OSBPL3: variants seen among roughly 807,000 people sequenced by gnomAD.
The protein encoded by OSBPL3 is oxysterol binding protein like 3.
OSBPL3 carries 65 observed loss-of-function variants against 120.1 expected under a neutral mutation model. That is an observed-to-expected ratio of 0.54 (90% confidence interval 0.44 to 0.67). The LOEUF (loss-of-function observed/expected upper bound fraction) is 0.67. Among genes scored for constraint, OSBPL3 ranks in the 30% least tolerant of loss-of-function variants. The pLI, the probability that OSBPL3 is intolerant of heterozygous loss-of-function variation, is 0.00. For synonymous variants in OSBPL3, 416 were observed against 402.6 expected (o/e 1.03, Z -0.40); for missense variants, 1,004 against 1,082.1 (o/e 0.93, Z 1.01).
intron 1 of OSBPL3, among the ~76,000 whole-genome samples, chr7:24,895,235 G>A (rs1805962671): frequency 6.6e-6 from 1 of 152,216 alleles, no homozygotes; most frequent in Admixed American, 6.5e-5. Context: ...GACAGCCCAT[G>A]TATACGCTGG....
In OSBPL3 at chr7:24,830,487, C is replaced by G. The variant is rs1239505726; in HGVS notation, c.1884+281G>C. 6.6e-6 allele frequency among the ~76,000 whole-genome samples: 1 copy of G among 152,142 alleles called. No individual in the cohort carries two copies. The highest frequency in any genetic ancestry group is 1.9e-4 in the East Asian group (1 of 5,194). On this transcript the variant is annotated intron_variant, in intron 16 of 22. Transcript: ENST00000313367. This position sits in a 1 kb window ranked among gnomAD's most constrained non-coding sequence, Gnocchi z 4.4. ...AATTGAAGTTTGGGCCAACATTCAT[C>G]CTTTCAAAATTCCTTGTGCTAATGA...
chr7:24,854,502 GCA>G lies in OSBPL3; in HGVS notation c.1028-1870_1028-1869del, dbSNP rs70942889. Among the ~76,000 whole-genome samples, 5,727 of 131,422 alleles carry G rather than the reference GCA, an allele frequency of 0.044. 188 individuals carry two copies. Among genetic ancestry groups the G allele is most frequent in the African/African-American group, 0.1 (3,715 of 35,902 alleles). 86.2% of individuals were successfully genotyped at this position (131,422 alleles called of 152,430 possible). A position where few individuals can be genotyped will look rare whatever the true frequency, so the allele number is the denominator to read the frequency against. On this transcript the variant is annotated intron_variant, in intron 10 of 22. Coordinates refer to ENST00000313367, the MANE Select transcript of OSBPL3 (RefSeq NM_015550.4). This position sits in a 1 kb window ranked among gnomAD's most constrained non-coding sequence, Gnocchi z 4.1. ...CACAACAATTTGTACACACACACAC[GCA>G]CACACACACACACACACACACACAC...
At chr7:24,870,434 A>G (rs566019992) in intron 5 of OSBPL3, among the ~76,000 whole-genome samples, 1 of 152,344 alleles carries the variant, frequency 6.6e-6, no homozygotes, top group East Asian at 1.9e-4. Context: ...TAAAGATGTT[A>G]CTGCCTGGGT....
At chr7:24,857,404 C>G (rs1310607389) in intron 10 of OSBPL3, among the ~76,000 whole-genome samples, 4 of 152,212 alleles carry the variant, frequency 2.6e-5, no homozygotes, top group African/African-American at 9.7e-5. Flanking sequence ...TTGGTCATTT[C>G]TGTTTCTGCT....
chr7:24,892,535 G>C lies in OSBPL3; in HGVS notation c.-63C>G. 6.4e-7 allele frequency: 1 copy of C among 1,574,638 alleles called. No individual in the cohort carries two copies. Among genetic ancestry groups the C allele is most frequent in the Non-Finnish European group, 8.7e-7 (1 of 1,151,694 alleles). Reference sequence around the variant, plus strand: ...CCATCAGATGACAAGGGAGCCGAGAGTATGGAAGTCCCCAGTGGCAGGTGG... The same window carrying C: ...CCATCAGATGACAAGGGAGCCGAGACTATGGAAGTCCCCAGTGGCAGGTGG... On this transcript the variant is annotated 5_prime_UTR_variant, in exon 2 of 23. Transcript: ENST00000313367.
At position 24,892,487 on chromosome 7, in the gene OSBPL3, T is replaced by C; in HGVS notation, c.-15A>G. On this transcript the variant is annotated 5_prime_UTR_variant, in exon 2 of 23. Coordinates refer to ENST00000313367, the MANE Select transcript of OSBPL3 (RefSeq NM_015550.4). ...TCACTCATCATGGACAGCAAGTCAC[T>C]TGGCCTCGAGACAATCAAAATGCCA... is the stretch of plus-strand genomic sequence containing the variant. 6.2e-7 allele frequency: 1 copy of C among 1,609,800 alleles called. No homozygotes were observed. The highest frequency in any genetic ancestry group is 8.5e-7 in the Non-Finnish European group (1 of 1,176,770).
chr7:24,979,850 C>CCCAGGCCCCCCGACAT, intron 1 of OSBPL3, 36 bp downstream of exon 1: 1 of 970,950 alleles, frequency 1.0e-6, no homozygotes, highest in Non-Finnish European at 1.2e-6. Context: ...CCCCCCGACA[C>CCCAGGCCCCCCGACAT]CCAGGCCCCA....
intron 10 of OSBPL3, among the ~76,000 whole-genome samples, chr7:24,853,875 G>C (rs895055673): frequency 3.3e-5 from 5 of 152,140 alleles, no homozygotes; most frequent in African/African-American, 1.2e-4. Flanking sequence ...GTTTGTAATT[G>C]TTTCAAAACA....
At chr7:24,956,323 G>C (rs770579721) in intron 1 of OSBPL3, among the ~76,000 whole-genome samples, 1 of 152,240 alleles carries the variant, frequency 6.6e-6, no homozygotes, top group African/African-American at 2.4e-5. Context: ...TTCCACATGC[G>C]CAAAGGATGC....
At position 24,881,897 on chromosome 7, in the gene OSBPL3, T is replaced by C. The variant is rs1173520245; in HGVS notation, c.97-9828A>G. Reference sequence around the variant, plus strand: ...CTTGTAGCTGCATCACTCCAATCTCTCTCTCCACCATCACATCACCTTTTC... The same window carrying C: ...CTTGTAGCTGCATCACTCCAATCTCCCTCTCCACCATCACATCACCTTTTC... On this transcript the variant is annotated intron_variant, in intron 2 of 22. Coordinates refer to ENST00000313367, the MANE Select transcript of OSBPL3 (RefSeq NM_015550.4). The surrounding 1 kb of genome is among the most constrained non-coding windows in gnomAD (Gnocchi z 4.3). Among the ~76,000 whole-genome samples the C allele has an allele frequency of 6.6e-6, 1 of 152,096 alleles. No homozygotes were observed. Among genetic ancestry groups the C allele is most frequent in the East Asian group, 1.9e-4 (1 of 5,192 alleles).
chr7:24,866,162 C>A lies in OSBPL3; in HGVS notation c.457G>T (p.Ala153Ser). 1 of 1,611,764 alleles carries A rather than the reference C, an allele frequency of 6.2e-7. No individual in the cohort carries two copies. Among genetic ancestry groups the A allele is most frequent in the Non-Finnish European group, 8.5e-7 (1 of 1,177,796 alleles). Residue 153 changes from alanine (A) to serine (S), a missense_variant, in exon 6 of 23, where the codon GCC becomes TCC. Physicochemically the swap from Ala to Ser is moderately conservative, Grantham distance 99. Around this residue, in one of 4 missense-constraint regions of OSBPL3, gnomAD observed 255 missense variants for 248.7 expected, o/e 1.03. Transcript: ENST00000313367. ...HHRMYRQNEI[A>S]MFPHEVNHFF... ...TGGTTAACTTCATGTGGAAACATGG[C>A]AATTTCATTCTGACGATACATTCTG...
chr7:24,859,458 C>T (rs1171690656), intron 10 of OSBPL3, among the ~76,000 whole-genome samples: 1 of 152,040 alleles, frequency 6.6e-6, no homozygotes, highest in African/African-American at 2.4e-5. Context: ...TATATATGCC[C>T]GAAATAGGAT....
chr7:24,928,458 T>C (rs1811376015), intron 1 of OSBPL3, among the ~76,000 whole-genome samples: 1 of 152,170 alleles, frequency 6.6e-6, no homozygotes, highest in African/African-American at 2.4e-5. Context: ...CCCAAAGTGC[T>C]AGGATTACAG....
chr7:24,850,302 T>C (rs1798983558), intron 11 of OSBPL3, among the ~76,000 whole-genome samples: 1 of 152,174 alleles, frequency 6.6e-6, no homozygotes, highest in Non-Finnish European at 1.5e-5. Flanking sequence ...TCCTGTGCAC[T>C]TCATGACCAA....
In OSBPL3 at chr7:24,802,622, T is replaced by C. The variant is rs1163619506; in HGVS notation, c.2567+1693A>G. Among the ~76,000 whole-genome samples the C allele has an allele frequency of 6.6e-6, 1 of 152,220 alleles. No homozygotes were observed. The highest frequency in any genetic ancestry group is 2.4e-5 in the African/African-American group (1 of 41,456). ...TCGTAAGGTCATCCTTAATGCCTCATGTTGGATCGAGTTGGTGAATCTCCT... is the reference window on the plus strand; with the variant it reads ...TCGTAAGGTCATCCTTAATGCCTCACGTTGGATCGAGTTGGTGAATCTCCT... On this transcript the variant is annotated intron_variant, in intron 22 of 22. Coordinates refer to ENST00000313367, the MANE Select transcript of OSBPL3 (RefSeq NM_015550.4). The surrounding 1 kb of genome is among the most constrained non-coding windows in gnomAD (Gnocchi z 4.1).
At chr7:24,837,215 T>C (rs560585481) in intron 14 of OSBPL3, among the ~76,000 whole-genome samples, 1 of 152,284 alleles carries the variant, frequency 6.6e-6, no homozygotes, top group South Asian at 2.1e-4. Flanking sequence ...TAATTAAATA[T>C]TGAGATAGGG....
In OSBPL3 at chr7:24,916,071, C is replaced by T. The variant is rs371987867; in HGVS notation, c.-149-23450G>A. The stretch of plus-strand genomic sequence containing the variant: ...GGCAGGGACAAAGGGAGAAGGCACT[C>T]GATGTTTATCATGTTGTCCTGTTAT... On this transcript the variant is annotated intron_variant, in intron 1 of 22. Transcript: ENST00000313367. The surrounding 1 kb of genome is among the most constrained non-coding windows in gnomAD (Gnocchi z 4.9). Among the ~76,000 whole-genome samples the T allele has an allele frequency of 1.3e-5, 2 of 152,278 alleles. No individual in the cohort carries two copies. The highest frequency in any genetic ancestry group is 2.4e-5 in the African/African-American group (1 of 41,558).
rs1394846232 is a variant in OSBPL3, at chr7:24,924,477, CTA to C, written c.-149-31858_-149-31857del. On this transcript the variant is annotated intron_variant, in intron 1 of 22. Coordinates refer to ENST00000313367, the MANE Select transcript of OSBPL3 (RefSeq NM_015550.4). ...TTTTGTACTTGTGACTTTCCTATTG[CTA>C]TGATACCCAGTACGGATTCCTACAC... is the stretch of plus-strand genomic sequence containing the variant. Among the ~76,000 whole-genome samples the C allele has an allele frequency of 7.9e-5, 12 of 152,324 alleles. No homozygotes were observed. The South Asian group carries it at 1.9e-3, about 24-fold the overall frequency.
At chr7:24,926,589 C>A (rs989922861) in intron 1 of OSBPL3, among the ~76,000 whole-genome samples, 2 of 152,200 alleles carry the variant, frequency 1.3e-5, no homozygotes, top group Admixed American at 1.3e-4. Flanking sequence ...TATCTCCACA[C>A]CTTTGTAGCA....
Sources: allele counts gnomAD v4.1 joint callset (sites outside exome capture counted in the v4.1 genomes callset), GRCh38; gene constraint gnomAD v4.1.1; regional missense constraint gnomAD v4.1.1; non-coding constraint Gnocchi (gnomAD v3.1); transcripts MANE v1.5; gene names NCBI Gene and HGNC (gene_info 2026-07-23, HGNC 2026-07-21).